Variants in INPP1 observed in about 807,000 individuals in gnomAD.
INPP1 encodes the protein inositol polyphosphate-1-phosphatase.
In INPP1, 18 loss-of-function variants were observed where a neutral mutation model predicts 23.0. The observed-to-expected ratio is 0.78, with a 90% CI of 0.54 to 1.16. The LOEUF is 1.16. Among genes scored for constraint, INPP1 ranks in the 50% most tolerant of loss-of-function variants. The pLI is 0.00. For synonymous variants in INPP1, 164 were observed against 176.3 expected (o/e 0.93, Z 0.55); for missense variants, 448 against 482.1 (o/e 0.93, Z 0.66).
At chr2:190,362,589 T>A (rs553214864) in intron 3 of INPP1, 38 bp from the exon 4 acceptor site, 2 of 1,387,544 alleles carry the variant, frequency 1.4e-6, no homozygotes, top group South Asian at 2.5e-5. Flanking sequence ...TATGTGTGGG[T>A]TTTTGTTTTG....
chr2:190,367,175 ACTTCT>A lies in INPP1; in HGVS notation c.466+285_466+289del, dbSNP rs1461235372. On this transcript the variant is annotated intron_variant, in intron 5 of 6. Coordinates refer to ENST00000392329, the MANE Select transcript of INPP1 (RefSeq NM_001128928.2). This position sits in a 1 kb window ranked among gnomAD's most constrained non-coding sequence, Gnocchi z 4.1. ...CAGGCACACATGCAAAGATGAATTA[ACTTCT>A]CTTCAAAAGACTTCAGGGACCAGAC... 6.6e-6 allele frequency among the ~76,000 whole-genome samples: 1 copy of A among 152,156 alleles called. No homozygotes were observed. The highest frequency in any genetic ancestry group is 2.4e-5 in the African/African-American group (1 of 41,428).
intron 6 of INPP1, 61 bp downstream of exon 6, chr2:190,369,338 TG>T: frequency 2.2e-6 from 2 of 908,896 alleles, no homozygotes; most frequent in Non-Finnish European, 1.7e-6. Context: ...CAGCTTTGCT[TG>T]TTGTTAGGAT....
intron 4 of INPP1, among the ~76,000 whole-genome samples, chr2:190,365,978 G>A (rs28571104): frequency 1.4e-3 from 26 of 19,216 alleles, no homozygotes; most frequent in Non-Finnish European, 1.6e-3. Flanking sequence ...TCGCTCTCTC[G>A]CTCTGTCTCG....
At position 190,343,654 on chromosome 2, in the gene INPP1, A is replaced by G. The variant is rs1316070373; in HGVS notation, c.-516A>G. On this transcript the variant is annotated 5_prime_UTR_variant, in exon 1 of 7. Coordinates refer to ENST00000392329, the MANE Select transcript of INPP1 (RefSeq NM_001128928.2). ...GGGCCCGCGCGTCCCGGGAGCCCCG[A>G]GGCGGCAGCGCGCGTTTCCACGCCG... is the stretch of plus-strand genomic sequence containing the variant. 2.6e-5 allele frequency: 4 copies of G among 151,970 alleles called. No homozygotes were observed. The highest frequency in any genetic ancestry group is 5.9e-5 in the Non-Finnish European group (4 of 67,968). The allele number at this position is 151,970 out of a possible 1,614,324, so 9.4% of individuals were successfully genotyped here. A position where few individuals can be genotyped will look rare whatever the true frequency, so the allele number is the denominator to read the frequency against.
intron 1 of INPP1, among the ~76,000 whole-genome samples, chr2:190,348,173 G>A (rs1689259528): frequency 6.6e-6 from 1 of 151,774 alleles, no homozygotes; most frequent in South Asian, 2.1e-4. Context: ...CAAAACACCG[G>A]TGTGGTTGCT....
chr2:190,364,223 A>T (rs1689590476), intron 4 of INPP1, among the ~76,000 whole-genome samples: 1 of 152,170 alleles, frequency 6.6e-6, no homozygotes, highest in African/African-American at 2.4e-5. Context: ...TGGTCATGTA[A>T]TCGCCTCAGG....
chr2:190,343,628 G>A lies in INPP1; in HGVS notation c.-542G>A, dbSNP rs1439362207. 4 of 152,172 alleles carry A rather than the reference G, an allele frequency of 2.6e-5. No homozygotes were observed. Among genetic ancestry groups the A allele is most frequent in the South Asian group, 4.1e-4 (2 of 4,834 alleles). The allele number at this position is 152,172 out of a possible 1,614,324, so 9.4% of individuals were successfully genotyped here. A position where few individuals can be genotyped will look rare whatever the true frequency, so the allele number is the denominator to read the frequency against. ...GGACGCCCGGCTCGGGCAGGCGTGG[G>A]GGGCCCGCGCGTCCCGGGAGCCCCG... is the stretch of plus-strand genomic sequence containing the variant. On this transcript the variant is annotated 5_prime_UTR_variant, in exon 1 of 7. Transcript: ENST00000392329.
Position 190,366,902 on chromosome 2 carries a change from A to G in INPP1, c.466+7A>G. The G allele has an allele frequency of 6.4e-7, 1 of 1,568,736 alleles. No homozygotes were observed. The highest frequency in any genetic ancestry group is 1.1e-5 in the South Asian group (1 of 90,004). ...ATTTGGGTGGACCCCATAGGTAAGT[A>G]TAGGAAAGTATGTTTGTTCTTATTT... On this transcript the variant is annotated splice_region_variant and intron_variant, in intron 5 of 6. Transcript: ENST00000392329.
rs1004874248 is a variant in INPP1, at chr2:190,345,846, T to G, written c.-209+1885T>G. 1.3e-5 allele frequency among the ~76,000 whole-genome samples: 2 copies of G among 151,952 alleles called. No homozygotes were observed. The highest frequency in any genetic ancestry group is 2.9e-5 in the Non-Finnish European group (2 of 67,962). On this transcript the variant is annotated intron_variant, in intron 1 of 6. Transcript: ENST00000392329. This position sits in a 1 kb window ranked among gnomAD's most constrained non-coding sequence, Gnocchi z 4.9. ...CCGTCTCTAGTAAAAATACAAAAAT[T>G]AGCCAGGCGTGGTAGCAAGCACCTG...
At chr2:190,357,124 G>A (rs1283338889) in intron 2 of INPP1, among the ~76,000 whole-genome samples, 2 of 152,008 alleles carry the variant, frequency 1.3e-5, no homozygotes, top group Non-Finnish European at 2.9e-5. Context: ...GAAATAAAAG[G>A]CATTTAAGTA....
At chr2:190,357,037 T>TTATTAACGCAGCTG (rs1389212766) in intron 2 of INPP1, among the ~76,000 whole-genome samples, 1 of 152,232 alleles carries the variant, frequency 6.6e-6, no homozygotes, top group Non-Finnish European at 1.5e-5. Flanking sequence ...TGCCGCAGCT[T>TTATTAACGCAGCTG]TATTAACGCA....
At position 190,355,505 on chromosome 2, in the gene INPP1, A is replaced by G. The variant is rs1205220907; in HGVS notation, c.-64-4534A>G. On this transcript the variant is annotated intron_variant, in intron 2 of 6. Transcript: ENST00000392329. This position sits in a 1 kb window ranked among gnomAD's most constrained non-coding sequence, Gnocchi z 5.1. ...AGTTATACAGGTTGCTGACAAAAAT[A>G]CAGATTCCTAGGGCTTGTCTCCAGA... Among the ~76,000 whole-genome samples, 3 of 152,158 alleles carry G rather than the reference A, an allele frequency of 2.0e-5. No homozygotes were observed. The highest frequency in any genetic ancestry group is 1.3e-4 in the Admixed American group (2 of 15,284).
At position 190,369,863 on chromosome 2, in the gene INPP1, A is replaced by T. The variant is rs534943906; in HGVS notation, c.641+586A>T. Among the ~76,000 whole-genome samples the T allele has an allele frequency of 2.6e-5, 4 of 152,348 alleles. No individual in the cohort carries two copies. In the South Asian group the frequency reaches 8.3e-4, roughly 32 times the overall value. ...TGTGCTTTGGGGTTGACTCCAGGGC[A>T]TGGCAAAGTCCAGGTGGAACAAGCA... On this transcript the variant is annotated intron_variant, in intron 6 of 6. Transcript: ENST00000392329.
At chr2:190,362,915 A>G (rs973514033) in intron 4 of INPP1, 1 of 336,212 alleles carries the variant, frequency 3.0e-6, no homozygotes, top group Non-Finnish European at 5.5e-6. Flanking sequence ...ATCATTTTAG[A>G]TATAAATCTG....
chr2:190,364,419 G>A (rs927098931), intron 4 of INPP1, among the ~76,000 whole-genome samples: 1 of 151,698 alleles, frequency 6.6e-6, no homozygotes, highest in African/African-American at 2.4e-5. Flanking sequence ...GCGGGCGCCT[G>A]TAGTCCCAGA....
In INPP1 at chr2:190,367,701, G is replaced by A. The variant is rs1689708552; in HGVS notation, c.466+806G>A. Among the ~76,000 whole-genome samples the A allele has an allele frequency of 6.6e-6, 1 of 152,116 alleles. No homozygotes were observed. The highest frequency in any genetic ancestry group is 2.1e-4 in the South Asian group (1 of 4,822). ...CAAGTAGCTGGGACCCAAGTAGGTG[G>A]CAGAGTTGCATGCCACCTCACTAGG... On this transcript the variant is annotated intron_variant, in intron 5 of 6. Coordinates refer to ENST00000392329, the MANE Select transcript of INPP1 (RefSeq NM_001128928.2). This position sits in a 1 kb window ranked among gnomAD's most constrained non-coding sequence, Gnocchi z 4.1.
intron 4 of INPP1, among the ~76,000 whole-genome samples, chr2:190,364,791 CAG>C (rs1244537100): frequency 6.6e-6 from 1 of 151,748 alleles, no homozygotes; most frequent in East Asian, 2.0e-4. Context: ...TTATTAGAGA[CAG>C]GGGTTTCACT....
chr2:190,359,826 G>A, intron 2 of INPP1: 1 of 348,744 alleles, frequency 2.9e-6, no homozygotes, highest in Non-Finnish European at 5.4e-6. Context: ...GTATATTTTT[G>A]AGAGTGTAAA....
chr2:190,371,432 A>G lies in INPP1; in HGVS notation c.*30A>G. On this transcript the variant is annotated 3_prime_UTR_variant, in exon 7 of 7. Transcript: ENST00000392329. This position sits in a 1 kb window ranked among gnomAD's most constrained non-coding sequence, Gnocchi z 5.3. ...ACTCTAACCCCGGTGTACCTGTATA[A>G]ACTGAACTGTGAAACTGTTTCGGTT... 6.8e-7 allele frequency: 1 copy of G among 1,474,470 alleles called. No individual in the cohort carries two copies. Among genetic ancestry groups the G allele is most frequent in the Non-Finnish European group, 9.0e-7 (1 of 1,105,760 alleles). 91.3% of individuals were successfully genotyped at this position (1,474,470 alleles called of 1,614,324 possible). A position where few individuals can be genotyped will look rare whatever the true frequency, so the allele number is the denominator to read the frequency against.
Sources: allele counts gnomAD v4.1 joint callset (sites outside exome capture counted in the v4.1 genomes callset), GRCh38; gene constraint gnomAD v4.1.1; non-coding constraint Gnocchi (gnomAD v3.1); transcripts MANE v1.5; gene names NCBI Gene and HGNC (gene_info 2026-07-23, HGNC 2026-07-21).